The following C12orf42 variants were observed in gnomAD, a reference collection of about 807,000 sequenced individuals.
C12orf42 encodes the protein chromosome 12 open reading frame 42.
Under a neutral mutation model 21.6 loss-of-function variants are expected in C12orf42, and 25 were observed. The ratio of observed to expected loss-of-function variants is 1.16; its 90% CI spans 0.84 to 1.62. The LOEUF (loss-of-function observed/expected upper bound fraction) is 1.62. Among genes scored for constraint, C12orf42 ranks in the 40% most tolerant of loss-of-function variants. The pLI is 0.00. For synonymous variants in C12orf42, 174 were observed against 175.0 expected, an observed-to-expected ratio of 0.99 and a Z score of 0.05; for missense variants, 483 against 459.3, an observed-to-expected ratio of 1.05 and a Z score of -0.47.
chr12:103,536,991 G>A, the C12orf42 span, among the ~76,000 whole-genome samples: 1 of 152,044 alleles, frequency 6.6e-6, no homozygotes, highest in Non-Finnish European at 1.5e-5. Context: ...AAAACCCTAT[G>A]AGAGCAGAGG....
At chr12:103,434,282 C>G (rs888899667) in intron 2 of C12orf42, among the ~76,000 whole-genome samples, 1 of 152,210 alleles carries the variant, frequency 6.6e-6, no homozygotes, top group African/African-American at 2.4e-5. Context: ...CAGGGATAAT[C>G]TGAGTGGCTA....
At chr12:103,126,149 C>G in the C12orf42 span, among the ~76,000 whole-genome samples, 1 of 152,126 alleles carries the variant, frequency 6.6e-6, no homozygotes, top group Non-Finnish European at 1.5e-5. Flanking sequence ...GGTGGCAGCA[C>G]AAGGAAGAAA....
intron 4 of C12orf42, among the ~76,000 whole-genome samples, chr12:103,320,360 A>T (rs2039971311): frequency 6.6e-6 from 1 of 152,236 alleles, no homozygotes; most frequent in African/African-American, 2.4e-5. Flanking sequence ...CACTGAGAAG[A>T]GAAATCACAT....
At chr12:103,371,191 C>G (rs971225402) in intron 3 of C12orf42, among the ~76,000 whole-genome samples, 1 of 152,064 alleles carries the variant, frequency 6.6e-6, no homozygotes, top group South Asian at 2.1e-4. Flanking sequence ...TCACTTCATA[C>G]GGCCTATCAC....
chr12:103,404,668 A>G (rs113595749), intron 2 of C12orf42, among the ~76,000 whole-genome samples: 1,914 of 152,336 alleles, frequency 0.013, 36 homozygotes, highest in African/African-American at 0.044. Flanking sequence ...CTTTCTTTCC[A>G]AATGAAAGAG....
At chr12:103,142,453 C>T in the C12orf42 span, among the ~76,000 whole-genome samples, 1 of 152,148 alleles carries the variant, frequency 6.6e-6, no homozygotes, top group Admixed American at 6.5e-5. Context: ...ATGTTTTACC[C>T]CAGTCAAATT....
chr12:103,165,159 A>G, the C12orf42 span, among the ~76,000 whole-genome samples: 15 of 152,216 alleles, frequency 9.9e-5, no homozygotes, highest in Non-Finnish European at 1.9e-4. Flanking sequence ...GTTCCTATTT[A>G]TGCCACCTGA....
At chr12:103,487,985 T>C in intron 1 of C12orf42, among the ~76,000 whole-genome samples, 1 of 152,226 alleles carries the variant, frequency 6.6e-6, no homozygotes, top group East Asian at 1.9e-4. Context: ...TGTGTGAATT[T>C]GATCCTGTTA....
At chr12:103,443,667 G>A (rs1009655319) in intron 2 of C12orf42, among the ~76,000 whole-genome samples, 9 of 152,044 alleles carry the variant, frequency 5.9e-5, no homozygotes, top group African/African-American at 2.2e-4. Context: ...GTAATTAAAT[G>A]TTGAAGTCAT....
the C12orf42 span, among the ~76,000 whole-genome samples, chr12:103,158,445 C>T: frequency 6.6e-6 from 1 of 152,094 alleles, no homozygotes; most frequent in Non-Finnish European, 1.5e-5. Flanking sequence ...CCTAAGGAAC[C>T]CTTAGGCTGT....
intron 10 of C12orf42, among the ~76,000 whole-genome samples, chr12:103,257,325 A>G (rs111770597): frequency 0.017 from 2,536 of 152,262 alleles, 93 homozygotes; most frequent in African/African-American, 0.058. Context: ...ATTTACCTTA[A>G]CAAACTTGCA....
the C12orf42 span, among the ~76,000 whole-genome samples, chr12:103,055,637 G>C: frequency 1.3e-5 from 2 of 151,882 alleles, no homozygotes; most frequent in African/African-American, 4.8e-5. Flanking sequence ...TCTTTAGGAT[G>C]ACTTTATTAG....
At chr12:103,303,730 G>C in intron 5 of C12orf42, among the ~76,000 whole-genome samples, 1 of 152,168 alleles carries the variant, frequency 6.6e-6, no homozygotes, top group East Asian at 1.9e-4. Context: ...AAGTCAAACA[G>C]TGAAAATTTT....
chr12:103,375,363 C>G (rs964246030), intron 3 of C12orf42, among the ~76,000 whole-genome samples: 5 of 151,836 alleles, frequency 3.3e-5, no homozygotes, highest in African/African-American at 1.2e-4. Flanking sequence ...GAAATGTATC[C>G]CAGTGTTGTT....
chr12:103,413,926 G>A (rs1473430893), intron 2 of C12orf42, among the ~76,000 whole-genome samples: 2 of 151,926 alleles, frequency 1.3e-5, no homozygotes, highest in Non-Finnish European at 2.9e-5. Context: ...ATTTAGGCTG[G>A]TTTCATATTT....
At chr12:103,377,825 T>C (rs548776004) in intron 3 of C12orf42, among the ~76,000 whole-genome samples, 1 of 152,332 alleles carries the variant, frequency 6.6e-6, no homozygotes, top group African/African-American at 2.4e-5. Flanking sequence ...ATCAGGCCCC[T>C]GTGTAGACTG....
At chr12:103,146,560 A>T in the C12orf42 span, among the ~76,000 whole-genome samples, 1 of 120,054 alleles carries the variant, frequency 8.3e-6, no homozygotes, top group African/African-American at 3.3e-5. Context: ...ATAAAGAAAG[A>T]AAAGAAAGAA....
chr12:103,099,775 C>CT, the C12orf42 span, among the ~76,000 whole-genome samples: 2 of 152,056 alleles, frequency 1.3e-5, no homozygotes, highest in African/African-American at 2.4e-5. Context: ...GATAAAAACC[C>CT]TTTTTTTCTA....
At chr12:103,402,302 T>C (rs1422569005) in intron 2 of C12orf42, among the ~76,000 whole-genome samples, 1 of 152,246 alleles carries the variant, frequency 6.6e-6, no homozygotes, top group East Asian at 1.9e-4. Context: ...ACAATTTTAC[T>C]TAAATATCAA....
Sources: allele counts gnomAD v4.1 joint callset (sites outside exome capture counted in the v4.1 genomes callset), GRCh38; gene constraint gnomAD v4.1.1; transcripts MANE v1.5; gene names NCBI Gene and HGNC (gene_info 2026-07-23, HGNC 2026-07-21).